The following SH3KBP1 variants were observed in gnomAD, a reference collection of about 807,000 sequenced individuals.
The protein encoded by SH3KBP1 is SH3 domain-containing kinase-binding protein 1.
A neutral mutation model predicts 50.1 loss-of-function variants in SH3KBP1; 8 were observed. The observed-to-expected ratio is 0.16, with a 90% CI of 0.09 to 0.29. SH3KBP1 has a LOEUF of 0.29. SH3KBP1 is among the 10% of genes least tolerant of loss of function. The pLI, the probability that SH3KBP1 is intolerant of heterozygous loss-of-function variation, is 1.00. For missense variants in SH3KBP1, 377 were observed against 535.2 expected (o/e 0.70, Z 2.92); for synonymous variants, 227 against 218.6 (o/e 1.04, Z -0.34).
At chrX:19,677,664 C>G (rs1467602023) in intron 6 of SH3KBP1, among the ~76,000 whole-genome samples, 1 of 112,556 alleles carries the variant, frequency 8.9e-6, no homozygotes, top group Non-Finnish European at 1.9e-5. Context: ...AAGCCAGTTG[C>G]CGAAGGCACA....
intron 1 of SH3KBP1, among the ~76,000 whole-genome samples, chrX:19,851,040 G>C (rs558366147): frequency 9.0e-6 from 1 of 111,312 alleles, no homozygotes; most frequent in Admixed American, 9.6e-5. Context: ...AGAATGGGGC[G>C]GGGGGCAGGG....
In SH3KBP1 at chrX:19,843,143, C is replaced by G. The variant is rs187668510; in HGVS notation, c.5-6861G>C. On this transcript the variant is annotated intron_variant, in intron 1 of 17. Transcript: ENST00000397821. The stretch of plus-strand genomic sequence containing the variant: ...AAGCAATTCTCTTGCCTCAGCCTCC[C>G]GAGTAGCTGGGATTACAGGCACCTG... Among the ~76,000 whole-genome samples, 21 of 105,104 alleles carry G rather than the reference C, an allele frequency of 2.0e-4. No individual in the cohort carries two copies. The East Asian group carries it at 5.1e-3, about 26-fold the overall frequency. 91.3% of individuals were successfully genotyped at this position (105,104 alleles called of 115,157 possible).
Position 19,682,296 on chromosome X carries a change from C to T in SH3KBP1, c.726+1527G>A, listed in dbSNP as rs142166819. 4.8e-3 allele frequency among the ~76,000 whole-genome samples: 517 copies of T among 106,966 alleles called. 5 individuals carry two copies. Among genetic ancestry groups the T allele is most frequent in the African/African-American group, 0.017 (496 of 28,865 alleles). The allele number at this position is 106,966 out of a possible 115,157, so 92.9% of individuals were successfully genotyped here. A position where few individuals can be genotyped will look rare whatever the true frequency, so the allele number is the denominator to read the frequency against. On this transcript the variant is annotated intron_variant, in intron 6 of 17. Coordinates refer to ENST00000397821, the MANE Select transcript of SH3KBP1 (RefSeq NM_031892.3). ...CAACAGTAACTCAATTTATTATTGG[C>T]AGCTAAAACTAATATTAATAGCAAT...
At chrX:19,567,458 G>A (rs1377864263) in intron 13 of SH3KBP1, among the ~76,000 whole-genome samples, 10 of 86,909 alleles carry the variant, frequency 1.2e-4, no homozygotes, top group African/African-American at 3.9e-4. Flanking sequence ...GGCAGAGGTT[G>A]CAGTGAGCCG....
chrX:19,723,935 C>T (rs2064144629), intron 3 of SH3KBP1, among the ~76,000 whole-genome samples: 1 of 110,922 alleles, frequency 9.0e-6, no homozygotes, highest in East Asian at 2.8e-4. Flanking sequence ...TGTCCCCCGC[C>T]GACCCCACCA....
intron 12 of SH3KBP1, among the ~76,000 whole-genome samples, chrX:19,576,800 G>A (rs1311435846): frequency 1.8e-5 from 2 of 111,716 alleles, no homozygotes; most frequent in Admixed American, 1.9e-4. Context: ...AGGGCTCATT[G>A]CCCCTACTGC....
At chrX:19,567,696 C>G (rs1045823305) in intron 13 of SH3KBP1, among the ~76,000 whole-genome samples, 4 of 104,957 alleles carry the variant, frequency 3.8e-5, no homozygotes, top group African/African-American at 3.5e-5. Context: ...TAAGATGTTA[C>G]TATTGGGGAG....
At chrX:19,570,448 G>A (rs2065973532) in intron 12 of SH3KBP1, among the ~76,000 whole-genome samples, 1 of 111,984 alleles carries the variant, frequency 8.9e-6, no homozygotes, top group African/African-American at 3.2e-5. Flanking sequence ...GAAGTCCTCA[G>A]AGAGAAGTGA....
intron 6 of SH3KBP1, among the ~76,000 whole-genome samples, chrX:19,672,582 A>G (rs1209219771): frequency 8.9e-6 from 1 of 112,352 alleles, no homozygotes; most frequent in Non-Finnish European, 1.9e-5. Flanking sequence ...ATGCTTATTT[A>G]AGGACATTCT....
At chrX:19,823,422 C>T (rs896440970) in intron 2 of SH3KBP1, among the ~76,000 whole-genome samples, 1 of 111,872 alleles carries the variant, frequency 8.9e-6, no homozygotes, top group African/African-American at 3.3e-5. Context: ...ACCTTGCGGC[C>T]GTAGGTCTGA....
intron 2 of SH3KBP1, among the ~76,000 whole-genome samples, chrX:19,805,360 C>T (rs2067015486): frequency 9.0e-6 from 1 of 110,760 alleles, no homozygotes. Flanking sequence ...AAGCATTCCA[C>T]GGTAAATAAT....
chrX:19,887,390 G>C lies in SH3KBP1; in HGVS notation c.-80C>G, dbSNP rs1179230121. The C allele has an allele frequency of 1.2e-6, 1 of 837,044 alleles. No individual in the cohort carries two copies. The highest frequency in any genetic ancestry group is 2.2e-5 in the African/African-American group (1 of 46,189). 69.0% of individuals were successfully genotyped at this position (837,044 alleles called of 1,213,427 possible). ...CGTGGGGGTTGGGGCGCCGGGATCG[G>C]GGCGCTGGGATCCAGGCGCGAGGGT... On this transcript the variant is annotated 5_prime_UTR_variant, in exon 1 of 18. Coordinates refer to ENST00000397821, the MANE Select transcript of SH3KBP1 (RefSeq NM_031892.3).
At chrX:19,610,069 T>C (rs1239049248) in intron 8 of SH3KBP1, among the ~76,000 whole-genome samples, 1 of 111,553 alleles carries the variant, frequency 9.0e-6, no homozygotes, top group Non-Finnish European at 1.9e-5. Context: ...AATCAGTCCT[T>C]AGTCACAGAC....
At chrX:19,704,293 A>G (rs935483991) in intron 4 of SH3KBP1, among the ~76,000 whole-genome samples, 2 of 112,687 alleles carry the variant, frequency 1.8e-5, no homozygotes, top group African/African-American at 6.4e-5. Context: ...AAATCCAGTA[A>G]CAGCTCTGCG....
At chrX:19,841,913 G>A (rs1448237666) in intron 1 of SH3KBP1, among the ~76,000 whole-genome samples, 1 of 85,590 alleles carries the variant, frequency 1.2e-5, no homozygotes, top group Non-Finnish European at 2.3e-5. Flanking sequence ...GATGCGGGCG[G>A]GGGGGTGGGG....
chrX:19,773,481 T>A (rs2065851670), intron 2 of SH3KBP1, among the ~76,000 whole-genome samples: 1 of 96,959 alleles, frequency 1.0e-5, no homozygotes, highest in African/African-American at 4.3e-5. Flanking sequence ...TCTCTCTCTC[T>A]CTCACACACA....
chrX:19,793,317 T>TATATAG (rs2066603158), intron 2 of SH3KBP1, among the ~76,000 whole-genome samples: 1 of 100,090 alleles, frequency 1.0e-5, no homozygotes, highest in South Asian at 4.3e-4. Context: ...AAAAAAAATA[T>TATATAG]ATATATATAT....
chrX:19,594,160 C>A (rs1043383037), intron 10 of SH3KBP1, among the ~76,000 whole-genome samples: 1 of 111,115 alleles, frequency 9.0e-6, no homozygotes, highest in Admixed American at 9.6e-5. Flanking sequence ...CTAAAAATAC[C>A]CTTTCTCTTC....
chrX:19,788,389 A>C (rs1273453466), intron 2 of SH3KBP1, among the ~76,000 whole-genome samples: 1 of 110,404 alleles, frequency 9.1e-6, no homozygotes, highest in Non-Finnish European at 1.9e-5. Context: ...ATGTGTCTAC[A>C]ACCCAAAGAT....
Sources: allele counts gnomAD v4.1 joint callset (sites outside exome capture counted in the v4.1 genomes callset), GRCh38; gene constraint gnomAD v4.1.1; transcripts MANE v1.5; gene names NCBI Gene and HGNC (gene_info 2026-07-23, HGNC 2026-07-21).